TPD52: variants seen among roughly 807,000 people sequenced by gnomAD.
TPD52 encodes tumor protein D52, also known as prostate and colon associated protein.
A neutral mutation model predicts 31.3 loss-of-function variants in TPD52; 17 were observed. The ratio of observed to expected loss-of-function variants is 0.54; its 90% CI spans 0.37 to 0.82. TPD52 has a LOEUF of 0.82. Ranked by LOEUF, TPD52 falls within the 40% of genes least tolerant of loss-of-function variation. TPD52 has a pLI of 0.00. For missense variants in TPD52, 212 were observed against 240.1 expected (o/e 0.88, Z 0.77); for synonymous variants, 83 against 89.6 (o/e 0.93, Z 0.42).
intron 1 of TPD52, among the ~76,000 whole-genome samples, chr8:80,100,354 C>T (rs1266840983): frequency 1.3e-5 from 2 of 152,206 alleles, no homozygotes; most frequent in African/African-American, 4.8e-5. Context: ...ACTATTCATA[C>T]TCCCCTTTAC....
At chr8:80,156,614 T>A (rs1279869820) in intron 1 of TPD52, among the ~76,000 whole-genome samples, 1 of 151,982 alleles carries the variant, frequency 6.6e-6, no homozygotes, top group African/African-American at 2.4e-5. Flanking sequence ...TGAGGACGTG[T>A]GATATTTGAA....
At chr8:80,055,041 G>A (rs960872633) in intron 2 of TPD52, among the ~76,000 whole-genome samples, 6 of 152,308 alleles carry the variant, frequency 3.9e-5, no homozygotes, top group East Asian at 1.9e-4. Flanking sequence ...CTGAATGCAC[G>A]TCTCAGTTTA....
chr8:80,160,304 G>T (rs1233516984), intron 1 of TPD52, among the ~76,000 whole-genome samples: 2 of 152,164 alleles, frequency 1.3e-5, no homozygotes, highest in Non-Finnish European at 2.9e-5. Context: ...TACATCTGGG[G>T]AAGTCGTGAT....
At chr8:80,100,623 G>A (rs567239703) in intron 1 of TPD52, among the ~76,000 whole-genome samples, 11 of 152,210 alleles carry the variant, frequency 7.2e-5, no homozygotes, top group Non-Finnish European at 1.6e-4. Context: ...CATTTGTACA[G>A]TCAGGGTTCT....
At chr8:80,133,849 C>G (rs1809201719) in intron 1 of TPD52, among the ~76,000 whole-genome samples, 1 of 151,100 alleles carries the variant, frequency 6.6e-6, no homozygotes, top group Admixed American at 6.6e-5. Context: ...GGAGGATATT[C>G]AAAACACCCC....
intron 1 of TPD52, among the ~76,000 whole-genome samples, chr8:80,094,762 T>A (rs12677390): frequency 0.38 from 55,299 of 145,426 alleles, 11,173 homozygotes; most frequent in East Asian, 0.72. Flanking sequence ...TACCATAATT[T>A]AAAAAAAAAA....
chr8:80,090,053 C>T (rs1816132451), intron 1 of TPD52, among the ~76,000 whole-genome samples: 2 of 151,914 alleles, frequency 1.3e-5, no homozygotes, highest in African/African-American at 4.8e-5. Flanking sequence ...AAGTGGTAGG[C>T]AGTGGAGGAA....
intron 1 of TPD52, among the ~76,000 whole-genome samples, chr8:80,164,898 CAAAAAAAAAAAA>C (rs34027501): frequency 1.6e-4 from 5 of 31,908 alleles, no homozygotes; most frequent in African/African-American, 4.4e-4. Flanking sequence ...GACAATGTCT[CAAAAAAAAAAAA>C]AAAAAAAAAA....
At chr8:80,096,344 A>T (rs1329924771) in intron 1 of TPD52, among the ~76,000 whole-genome samples, 1 of 151,932 alleles carries the variant, frequency 6.6e-6, no homozygotes, top group East Asian at 1.9e-4. Flanking sequence ...GCCTGGGGTA[A>T]AATACTCAAG....
At chr8:80,114,126 C>T (rs1403098125) in intron 1 of TPD52, among the ~76,000 whole-genome samples, 1 of 152,078 alleles carries the variant, frequency 6.6e-6, no homozygotes, top group Non-Finnish European at 1.5e-5. Context: ...ATACCTGTAG[C>T]TGCTCAGCAG....
At chr8:80,090,080 G>A (rs748006942) in intron 1 of TPD52, among the ~76,000 whole-genome samples, 1 of 152,084 alleles carries the variant, frequency 6.6e-6, no homozygotes, top group African/African-American at 2.4e-5. Context: ...GGGAAGAAGC[G>A]AATGAAAAGA....
In TPD52 at chr8:80,155,331, G is replaced by A. The variant is rs929464356; in HGVS notation, c.19+16094C>T. Reference sequence around the variant, plus strand: ...ATTCCAGTGATTTGAGGTGGTGAGAGAATAAAGAGAACAGCAAGGAAAGAA... The same window carrying A: ...ATTCCAGTGATTTGAGGTGGTGAGAAAATAAAGAGAACAGCAAGGAAAGAA... On this transcript the variant is annotated intron_variant, in intron 1 of 7. Coordinates refer to ENST00000518937, the MANE Select transcript of TPD52 (RefSeq NM_001025253.3). Among the ~76,000 whole-genome samples, 5 of 152,248 alleles carry A rather than the reference G, an allele frequency of 3.3e-5. No individual in the cohort carries two copies. In the South Asian group the frequency reaches 1.0e-3, roughly 32 times the overall value.
chr8:80,059,524 C>A (rs972264825), intron 2 of TPD52, among the ~76,000 whole-genome samples: 1 of 152,106 alleles, frequency 6.6e-6, no homozygotes, highest in Non-Finnish European at 1.5e-5. Flanking sequence ...ATAATTCATT[C>A]TTTAAAAAGA....
At chr8:80,078,066 G>A (rs1814801536) in intron 1 of TPD52, among the ~76,000 whole-genome samples, 1 of 152,168 alleles carries the variant, frequency 6.6e-6, no homozygotes, top group Non-Finnish European at 1.5e-5. Flanking sequence ...AGGTAAGGAG[G>A]TATAAGGCAT....
chr8:80,045,999 T>G (rs1252799313), intron 5 of TPD52, among the ~76,000 whole-genome samples: 6 of 152,166 alleles, frequency 3.9e-5, no homozygotes, highest in Non-Finnish European at 8.8e-5. Context: ...AACAGGTGGA[T>G]AAGTAAGTGC....
In TPD52 at chr8:80,072,695, A is replaced by ACACACATATATACATCTATACG. The variant is rs1814022923; in HGVS notation, c.20-8124_20-8103dup. 2.4e-4 allele frequency among the ~76,000 whole-genome samples: 36 copies of ACACACATATATACATCTATACG among 151,796 alleles called. 1 individual carries two copies. The South Asian group carries it at 6.7e-3, about 28-fold the overall frequency. ...TGTACACATAGATATGTGTGTATAT[A>ACACACATATATACATCTATACG]CACACATATATACATCTATACGCAC... On this transcript the variant is annotated intron_variant, in intron 1 of 7. Coordinates refer to ENST00000518937, the MANE Select transcript of TPD52 (RefSeq NM_001025253.3).
At chr8:80,053,198 C>A (rs1488012810) in intron 3 of TPD52, 84 bp downstream of exon 3, 3 of 1,451,552 alleles carry the variant, frequency 2.1e-6, no homozygotes, top group African/African-American at 2.9e-5. Context: ...GCATCCTTAT[C>A]CTCTTTTTCT....
At chr8:80,091,935 G>A (rs1323478584) in intron 1 of TPD52, among the ~76,000 whole-genome samples, 1 of 152,192 alleles carries the variant, frequency 6.6e-6, no homozygotes, top group Non-Finnish European at 1.5e-5. Context: ...TCTGAATACT[G>A]ATGTTACAGG....
intron 1 of TPD52, among the ~76,000 whole-genome samples, chr8:80,125,795 T>G (rs554851570): frequency 6.6e-6 from 1 of 152,312 alleles, no homozygotes; most frequent in South Asian, 2.1e-4. Flanking sequence ...ATACAATTTC[T>G]AGAGATAAAC....
Sources: allele counts gnomAD v4.1 joint callset (sites outside exome capture counted in the v4.1 genomes callset), GRCh38; gene constraint gnomAD v4.1.1; transcripts MANE v1.5; gene names NCBI Gene and HGNC (gene_info 2026-07-23, HGNC 2026-07-21).